AGTPBP1: variants seen among roughly 807,000 people sequenced by gnomAD.
AGTPBP1 encodes ATP/GTP binding carboxypeptidase 1, also known as cytosolic carboxypeptidase 1.
Under a neutral mutation model 143.9 loss-of-function variants are expected in AGTPBP1, and 70 were observed. The observed-to-expected ratio is 0.49, with a 90% confidence interval of 0.40 to 0.59. AGTPBP1 has a LOEUF of 0.59. Ranked by LOEUF, AGTPBP1 falls within the 20% of genes least tolerant of loss-of-function variation. The pLI is 0.00. For missense variants in AGTPBP1, 1,229 were observed against 1,464.5 expected (o/e 0.84, Z 2.62); for synonymous variants, 463 against 500.2 (o/e 0.93, Z 0.99).
At chr9:85,786,109 G>C in the AGTPBP1 span, 1 of 1,580,030 alleles carries the variant, frequency 6.3e-7, no homozygotes, top group Non-Finnish European at 8.7e-7. Flanking sequence ...AGATCATAAG[G>C]CTGGAGATGG....
chr9:85,620,461 T>C lies in AGTPBP1; in HGVS notation c.2099+741A>G, dbSNP rs140587573. Among the ~76,000 whole-genome samples the C allele has an allele frequency of 3.7e-4, 55 of 150,624 alleles. No individual in the cohort carries two copies. The East Asian group carries it at 0.01, about 28-fold the overall frequency. On this transcript the variant is annotated intron_variant, in intron 15 of 25. Coordinates refer to ENST00000357081, the MANE Select transcript of AGTPBP1 (RefSeq NM_001330701.2). ...AAAAGGTGTTTTTTTCCTCCACATA[T>C]GATTGGCAAGATGTGAAATTTTCCA...
intron 17 of AGTPBP1, among the ~76,000 whole-genome samples, chr9:85,598,992 G>T (rs1829478116): frequency 6.6e-6 from 1 of 152,170 alleles, no homozygotes; most frequent in Admixed American, 6.5e-5. Context: ...AGAGTGCTGG[G>T]ATTACAGGCG....
intron 12 of AGTPBP1, among the ~76,000 whole-genome samples, chr9:85,644,345 C>CAAA (rs1832682862): frequency 6.7e-6 from 1 of 148,680 alleles, no homozygotes; most frequent in African/African-American, 2.5e-5. Flanking sequence ...AAATAATTTA[C>CAAA]AAAGATATTC....
At chr9:85,731,689 A>G (rs1564193197) in intron 1 of AGTPBP1, among the ~76,000 whole-genome samples, 1 of 152,080 alleles carries the variant, frequency 6.6e-6, no homozygotes, top group African/African-American at 2.4e-5. Flanking sequence ...GGCTCAAGCA[A>G]TTCTTCCACC....
chr9:85,692,398 C>T (rs755646004), intron 3 of AGTPBP1, among the ~76,000 whole-genome samples: 94 of 151,904 alleles, frequency 6.2e-4, no homozygotes, highest in Middle Eastern at 3.4e-3. Context: ...CTCAGCCTCC[C>T]GAGTAACTGG....
At chr9:85,581,522 ATAAT>A (rs1828261955) in intron 23 of AGTPBP1, among the ~76,000 whole-genome samples, 1 of 152,260 alleles carries the variant, frequency 6.6e-6, no homozygotes, top group Non-Finnish European at 1.5e-5. Flanking sequence ...GTCTATAGTT[ATAAT>A]TAATTCATCC....
chr9:85,784,393 A>T, the AGTPBP1 span, among the ~76,000 whole-genome samples: 4 of 152,112 alleles, frequency 2.6e-5, no homozygotes, highest in African/African-American at 9.7e-5. Flanking sequence ...CTTCCCCCAG[A>T]TACTGTCACC....
intron 7 of AGTPBP1, among the ~76,000 whole-genome samples, chr9:85,671,211 G>A (rs1025128238): frequency 4.6e-5 from 7 of 151,936 alleles, no homozygotes; most frequent in Non-Finnish European, 8.8e-5. Flanking sequence ...CCTCTGAAGT[G>A]CTGGGATTAC....
chr9:85,649,872 T>A (rs968680123), intron 11 of AGTPBP1, among the ~76,000 whole-genome samples: 27 of 152,114 alleles, frequency 1.8e-4, no homozygotes, highest in Non-Finnish European at 1.8e-4. Flanking sequence ...TTCTTAAAAA[T>A]CATCTTTACT....
intron 25 of AGTPBP1, among the ~76,000 whole-genome samples, chr9:85,562,954 G>C (rs1826838468): frequency 1.3e-5 from 2 of 152,046 alleles, no homozygotes; most frequent in African/African-American, 4.8e-5. Flanking sequence ...TTATAAAAGA[G>C]ACCCCATAAA....
At chr9:85,793,444 C>A in the AGTPBP1 span, 1 of 152,098 alleles carries the variant, frequency 6.6e-6, no homozygotes, top group Non-Finnish European at 1.5e-5. Flanking sequence ...CCTTCATAAA[C>A]ATTCAGAGGG....
rs183728462 is a variant in AGTPBP1 at position 85,663,800 on chromosome 9, G to A, written c.663-2827C>T. On this transcript the variant is annotated intron_variant, in intron 8 of 25. Coordinates refer to ENST00000357081, the MANE Select transcript of AGTPBP1 (RefSeq NM_001330701.2). ...TCTACTCCTAGATATCTATTCAGCA[G>A]AAATAAAAAAATATATGACCATAAA... is the stretch of plus-strand genomic sequence containing the variant. Among the ~76,000 whole-genome samples the A allele has an allele frequency of 6.7e-3, 1,006 of 150,824 alleles. 6 individuals are homozygous for A. The highest frequency in any genetic ancestry group is 0.012 in the Non-Finnish European group (815 of 67,924).
intron 10 of AGTPBP1, 113 bp downstream of exon 10, chr9:85,657,322 A>C (rs1295665300): frequency 3.1e-6 from 3 of 955,014 alleles, no homozygotes; most frequent in Non-Finnish European, 4.5e-6. Flanking sequence ...TTTTCGAAAA[A>C]TGCATTTATC....
At chr9:85,573,413 G>C (rs1827656388) in intron 25 of AGTPBP1, among the ~76,000 whole-genome samples, 1 of 152,188 alleles carries the variant, frequency 6.6e-6, no homozygotes, top group Admixed American at 6.5e-5. Flanking sequence ...GTGCTCAATG[G>C]TGCCCAGGCT....
chr9:85,655,088 A>C lies in AGTPBP1; in HGVS notation c.1087+55T>G. 2.1e-6 allele frequency: 3 copies of C among 1,419,720 alleles called. No homozygotes were observed. The South Asian group carries it at 4.7e-5, about 22-fold the overall frequency. The allele number at this position is 1,419,720 out of a possible 1,614,324, so 87.9% of individuals were successfully genotyped here. A position where few individuals can be genotyped will look rare whatever the true frequency, so the allele number is the denominator to read the frequency against. On this transcript the variant is annotated intron_variant, in intron 11 of 25. Coordinates refer to ENST00000357081, the MANE Select transcript of AGTPBP1 (RefSeq NM_001330701.2). Reference sequence around the variant, plus strand: ...TAGACATAAATAAAAAGAAAATCACAGGGTCACATAATTCTAAGAACCCAC... The same window carrying C: ...TAGACATAAATAAAAAGAAAATCACCGGGTCACATAATTCTAAGAACCCAC...
At position 85,632,846 on chromosome 9, in the gene AGTPBP1, C is replaced by A; in HGVS notation, c.1831G>T (p.Val611Leu). The A allele has an allele frequency of 5.0e-6, 8 of 1,614,136 alleles. No individual in the cohort carries two copies. In the African/African-American group the frequency reaches 5.3e-5, roughly 11 times the overall value. Residue 611 changes from valine to leucine, a missense_variant, in exon 14 of 26, where the codon GTA (valine) becomes TTA (leucine). By Grantham distance (32) the Val-to-Leu change is conservative. Around this residue, in one of 2 missense-constraint regions of AGTPBP1, gnomAD observed 743 missense variants for 812.2 expected, o/e 0.91. Transcript: ENST00000357081. ...DDEDTESNSS[V>L]EQASVEVPDG... ...GGTACTTCAACCGATGCTTGTTCTACCGATGAATTTGACTCAGTATCTTCA... is the reference window on the plus strand; with the variant it reads ...GGTACTTCAACCGATGCTTGTTCTAACGATGAATTTGACTCAGTATCTTCA...
intron 1 of AGTPBP1, among the ~76,000 whole-genome samples, chr9:85,740,759 C>A (rs986247905): frequency 6.6e-6 from 1 of 152,186 alleles, no homozygotes; most frequent in Non-Finnish European, 1.5e-5. Flanking sequence ...TACAAATTGT[C>A]ATGCATTGTA....
the AGTPBP1 span, among the ~76,000 whole-genome samples, chr9:85,769,336 A>G: frequency 6.6e-6 from 1 of 152,184 alleles, no homozygotes; most frequent in East Asian, 1.9e-4. Flanking sequence ...ACCAATCTGA[A>G]GTAATTCCTT....
At chr9:85,803,612 G>A in the AGTPBP1 span, among the ~76,000 whole-genome samples, 72 of 152,324 alleles carry the variant, frequency 4.7e-4, no homozygotes, top group African/African-American at 1.7e-3. Flanking sequence ...GCGAGACTCT[G>A]AAGAGGGTGT....
Sources: gnomAD v4.1 joint callset for allele counts (sites outside exome capture counted in the v4.1 genomes callset) on GRCh38, gnomAD v4.1.1 for gene constraint, gnomAD v4.1.1 regional missense constraint, MANE v1.5 for transcripts, NCBI Gene and HGNC (gene_info 2026-07-23, HGNC 2026-07-21) for gene names.